DSCAM: variants seen among roughly 807,000 people sequenced by gnomAD.
DSCAM encodes DS cell adhesion molecule.
Under a neutral mutation model 217.7 loss-of-function variants are expected in DSCAM, and 47 were observed. That is an observed-to-expected ratio of 0.22 (90% CI 0.17 to 0.28). DSCAM has a LOEUF of 0.28. Ranked by LOEUF, DSCAM falls within the 10% of genes least tolerant of loss-of-function variation. The pLI is 1.00. For missense variants in DSCAM, 2,080 were observed against 2,618.3 expected (o/e 0.79, Z 4.49); for synonymous variants, 1,056 against 1,015.3 (o/e 1.04, Z -0.76).
At chr21:40,029,254 A>G (rs1298910845) in intron 32 of DSCAM, among the ~76,000 whole-genome samples, 1 of 152,116 alleles carries the variant, frequency 6.6e-6, no homozygotes, top group Non-Finnish European at 1.5e-5. Context: ...AGAAGCCATT[A>G]CATGAAGCTA....
chr21:40,060,722 TCTC>T (rs1201220451), intron 28 of DSCAM, among the ~76,000 whole-genome samples: 3 of 152,174 alleles, frequency 2.0e-5, no homozygotes, highest in African/African-American at 7.2e-5. Flanking sequence ...TTATGTGAAA[TCTC>T]CTCATTTTAA....
intron 3 of DSCAM, among the ~76,000 whole-genome samples, chr21:40,498,735 G>A (rs13048988): frequency 0.16 from 2,658 of 16,328 alleles, 534 homozygotes; most frequent in East Asian, 0.43. Flanking sequence ...ATGGGTGTGT[G>A]TATATATATA....
chr21:40,175,555 G>T (rs925132376), intron 15 of DSCAM, among the ~76,000 whole-genome samples: 2 of 152,026 alleles, frequency 1.3e-5, no homozygotes, highest in Non-Finnish European at 2.9e-5. Context: ...GGCAGAAGGG[G>T]TAAGTGATCT....
intron 9 of DSCAM, among the ~76,000 whole-genome samples, chr21:40,309,532 A>T (rs1193708628): frequency 6.6e-6 from 1 of 152,020 alleles, no homozygotes; most frequent in Admixed American, 6.6e-5. Flanking sequence ...TAAATGCTGG[A>T]GTGCCCTAGT....
rs181990519 is a variant in DSCAM, at chr21:40,785,959, G to A, written c.43+60660C>T. Among the ~76,000 whole-genome samples the A allele has an allele frequency of 1.1e-4, 16 of 152,272 alleles. 1 individual carries two copies. Among genetic ancestry groups the A allele is most frequent in the Admixed American group, 3.3e-4 (5 of 15,292 alleles). ...CTCATCTAAAAGAAATCATCTGGCC[G>A]GACACAGTGGCTCATGCCTGTAATC... On this transcript the variant is annotated intron_variant, in intron 1 of 32. Coordinates refer to ENST00000400454, the MANE Select transcript of DSCAM (RefSeq NM_001389.5).
intron 11 of DSCAM, among the ~76,000 whole-genome samples, chr21:40,227,835 T>C (rs1449225761): frequency 6.6e-6 from 1 of 152,214 alleles, no homozygotes; most frequent in Non-Finnish European, 1.5e-5. Context: ...TGAATGACTA[T>C]TAATGCATTG....
intron 3 of DSCAM, among the ~76,000 whole-genome samples, chr21:40,448,156 A>C (rs753094843): frequency 1.3e-4 from 20 of 152,220 alleles, no homozygotes; most frequent in African/African-American, 2.9e-4. Context: ...ATAGCTGGTG[A>C]AACATTAATT....
chr21:40,076,231 C>T (rs2089364127), intron 26 of DSCAM, among the ~76,000 whole-genome samples: 1 of 151,908 alleles, frequency 6.6e-6, no homozygotes, highest in African/African-American at 2.4e-5. Flanking sequence ...TTGTGGAAGC[C>T]CAAGTCTCCA....
At chr21:40,381,494 T>C (rs1299476811) in intron 3 of DSCAM, among the ~76,000 whole-genome samples, 1 of 151,978 alleles carries the variant, frequency 6.6e-6, no homozygotes, top group Admixed American at 6.6e-5. Context: ...AAGCAACACA[T>C]ACAAAAAGGA....
chr21:40,431,926 G>A (rs1262868868), intron 3 of DSCAM, among the ~76,000 whole-genome samples: 1 of 152,296 alleles, frequency 6.6e-6, no homozygotes, highest in East Asian at 1.9e-4. Flanking sequence ...CTGGCCAGGT[G>A]TGGTGGCTTA....
intron 18 of DSCAM, among the ~76,000 whole-genome samples, chr21:40,139,470 G>A (rs1159379596): frequency 2.0e-5 from 3 of 152,020 alleles, no homozygotes; most frequent in East Asian, 1.9e-4. Flanking sequence ...GAAGGGTTGC[G>A]TTCTTCTGAG....
chr21:40,293,754 G>C (rs376800599), intron 10 of DSCAM, among the ~76,000 whole-genome samples: 86 of 152,218 alleles, frequency 5.6e-4, no homozygotes, highest in African/African-American at 2.0e-3. Flanking sequence ...GAACCCAGGA[G>C]GCGGAGGTTG....
At chr21:40,530,599 A>C (rs1318823056) in intron 3 of DSCAM, among the ~76,000 whole-genome samples, 1 of 152,224 alleles carries the variant, frequency 6.6e-6, no homozygotes, top group Non-Finnish European at 1.5e-5. Context: ...TGACATTAAA[A>C]TGCTCTAAGA....
chr21:40,674,661 C>G (rs2090316648), intron 3 of DSCAM, among the ~76,000 whole-genome samples: 1 of 113,902 alleles, frequency 8.8e-6, no homozygotes. Context: ...GAGACGGAGT[C>G]TCGCTTTGTC....
chr21:40,628,141 G>C (rs1281174119), intron 3 of DSCAM, among the ~76,000 whole-genome samples: 1 of 152,178 alleles, frequency 6.6e-6, no homozygotes, highest in Non-Finnish European at 1.5e-5. Context: ...TCCATAAAAT[G>C]AGCAAATATA....
chr21:40,225,617 C>T (rs545411744), intron 11 of DSCAM, among the ~76,000 whole-genome samples: 5 of 152,226 alleles, frequency 3.3e-5, no homozygotes, highest in South Asian at 2.1e-4. Flanking sequence ...TAAGAGGCCC[C>T]GCCATCCATC....
intron 11 of DSCAM, among the ~76,000 whole-genome samples, chr21:40,269,873 C>T (rs563614052): frequency 1.4e-4 from 22 of 152,296 alleles, no homozygotes; most frequent in African/African-American, 5.3e-4. Flanking sequence ...TGCAAGTACG[C>T]TATTTCCAAA....
intron 11 of DSCAM, among the ~76,000 whole-genome samples, chr21:40,262,992 A>G (rs2073474502): frequency 6.6e-6 from 1 of 152,242 alleles, no homozygotes; most frequent in African/African-American, 2.4e-5. Flanking sequence ...TAAGAGTCCA[A>G]TAGTATTAAA....
At chr21:40,324,111 AAAAAAAAAAAAAAAAAAAAAG>A (rs1425206334) in intron 8 of DSCAM, among the ~76,000 whole-genome samples, 4 of 139,460 alleles carry the variant, frequency 2.9e-5, no homozygotes, top group African/African-American at 1.2e-4. Flanking sequence ...CTCAAAAAAA[AAAAAAAAAAAAAAAAAAAAAG>A]AAAAAAAAAA....
Sources: allele counts gnomAD v4.1 joint callset (sites outside exome capture counted in the v4.1 genomes callset), GRCh38; gene constraint gnomAD v4.1.1; transcripts MANE v1.5; gene names NCBI Gene and HGNC (gene_info 2026-07-23, HGNC 2026-07-21).